Variants in ZMIZ1 observed in about 807,000 individuals in gnomAD.
ZMIZ1 encodes the protein zinc finger MIZ domain-containing protein 1.
ZMIZ1 carries 17 observed loss-of-function variants against 113.9 expected under a neutral mutation model. The ratio of observed to expected loss-of-function variants is 0.15; its 90% CI spans 0.10 to 0.22. ZMIZ1 has a LOEUF of 0.22. ZMIZ1 is among the 10% of genes least tolerant of loss of function. ZMIZ1 has a pLI of 1.00. For synonymous variants in ZMIZ1, 607 were observed against 603.1 expected (o/e 1.01, Z -0.09); for missense variants, 1,059 against 1,477.8 (o/e 0.72, Z 4.65).
intron 3 of ZMIZ1, among the ~76,000 whole-genome samples, chr10:79,159,412 G>A (rs79768591): frequency 0.011 from 1,690 of 152,300 alleles, 30 homozygotes; most frequent in African/African-American, 0.039. Flanking sequence ...GGTGCCCGGC[G>A]CCGTCTGGCC....
chr10:79,288,975 G>A (rs936606817), intron 8 of ZMIZ1, among the ~76,000 whole-genome samples: 17 of 152,208 alleles, frequency 1.1e-4, no homozygotes, highest in African/African-American at 3.9e-4. Flanking sequence ...GCAGTGTTTA[G>A]GGGCAGGGGC....
chr10:79,172,509 A>G (rs899816202), intron 4 of ZMIZ1, among the ~76,000 whole-genome samples: 11 of 152,340 alleles, frequency 7.2e-5, no homozygotes, highest in African/African-American at 2.6e-4. Flanking sequence ...CCTATAAGGT[A>G]GGGACCAGTA....
At position 79,071,940 on chromosome 10, in the gene ZMIZ1, C is replaced by T. The variant is rs578092069; in HGVS notation, c.-337+2670C>T. Among the ~76,000 whole-genome samples, 358 of 115,290 alleles carry T rather than the reference C, an allele frequency of 3.1e-3. 2 individuals carry two copies. The highest frequency in any genetic ancestry group is 4.7e-3 in the Non-Finnish European group (292 of 61,590). The allele number at this position is 115,290 out of a possible 152,430, so 75.6% of individuals were successfully genotyped here. A position where few individuals can be genotyped will look rare whatever the true frequency, so the allele number is the denominator to read the frequency against. On this transcript the variant is annotated intron_variant, in intron 1 of 24. Transcript: ENST00000334512. ...CACATGTAAATCTCAAAAGTTTAGACTTCTGAGAGTTGGTGGCAGTGACTG... is the reference window on the plus strand; with the variant it reads ...CACATGTAAATCTCAAAAGTTTAGATTTCTGAGAGTTGGTGGCAGTGACTG...
chr10:79,185,049 C>T (rs1847295156), intron 4 of ZMIZ1, among the ~76,000 whole-genome samples: 1 of 152,192 alleles, frequency 6.6e-6, no homozygotes, highest in Admixed American at 6.5e-5. Flanking sequence ...AACATTTTTG[C>T]ACCTCTCCTA....
chr10:79,265,624 G>A (rs764067040), intron 7 of ZMIZ1, among the ~76,000 whole-genome samples: 10 of 151,900 alleles, frequency 6.6e-5, no homozygotes, highest in Non-Finnish European at 1.3e-4. Flanking sequence ...TCAGTCTGCC[G>A]GAGACTGAGA....
At chr10:79,277,778 G>C (rs964030756) in intron 8 of ZMIZ1, among the ~76,000 whole-genome samples, 6 of 152,354 alleles carry the variant, frequency 3.9e-5, no homozygotes, top group Admixed American at 3.3e-4. Context: ...TCACAGGCAG[G>C]CATGGGCTTG....
rs1207970201 is a variant in ZMIZ1, at chr10:79,299,194, G to A, written c.1808+3G>A. ...GTCCACCAGACGCTGATGTGGAGGT[G>A]CGTGTCAGGGCAGGGGCGCCAGCCC... On this transcript the variant is annotated splice_donor_region_variant and intron_variant, in intron 16 of 24. Coordinates refer to ENST00000334512, the MANE Select transcript of ZMIZ1 (RefSeq NM_020338.4). The A allele has an allele frequency of 2.5e-6, 4 of 1,601,264 alleles. No individual in the cohort carries two copies. The highest frequency in any genetic ancestry group is 4.5e-5 in the East Asian group (2 of 44,822).
intron 3 of ZMIZ1, among the ~76,000 whole-genome samples, chr10:79,159,779 A>T (rs1846033748): frequency 6.6e-6 from 1 of 152,142 alleles, no homozygotes. Context: ...CTGAGTTCAA[A>T]TTCTAGCACC....
At chr10:79,306,868 C>A (rs115539481) in intron 22 of ZMIZ1, among the ~76,000 whole-genome samples, 1 of 152,292 alleles carries the variant, frequency 6.6e-6, no homozygotes, top group East Asian at 1.9e-4. Flanking sequence ...GCCACCTAGC[C>A]GAACTCCCAC....
chr10:79,086,151 C>A (rs1011231151), intron 1 of ZMIZ1, among the ~76,000 whole-genome samples: 2 of 152,220 alleles, frequency 1.3e-5, no homozygotes, highest in African/African-American at 4.8e-5. Context: ...ATTCTCACTT[C>A]TGTTAAGAAA....
intron 7 of ZMIZ1, among the ~76,000 whole-genome samples, chr10:79,269,750 A>C (rs996126727): frequency 1.3e-5 from 2 of 149,870 alleles, no homozygotes; most frequent in African/African-American, 4.9e-5. Flanking sequence ...CACTGTCCGC[A>C]CCTCCCCTTG....
At chr10:79,261,461 C>T (rs566785618) in intron 7 of ZMIZ1, among the ~76,000 whole-genome samples, 21 of 152,296 alleles carry the variant, frequency 1.4e-4, no homozygotes, top group East Asian at 3.9e-4. Context: ...AAACAAATGA[C>T]GGCTCCCTCC....
chr10:79,152,835 A>G (rs747845101), intron 3 of ZMIZ1, among the ~76,000 whole-genome samples: 5 of 152,256 alleles, frequency 3.3e-5, no homozygotes, highest in African/African-American at 4.8e-5. Flanking sequence ...GATCTAAGCC[A>G]GTTATGCACC....
At chr10:79,139,150 T>C (rs1274750906) in intron 2 of ZMIZ1, among the ~76,000 whole-genome samples, 1 of 152,168 alleles carries the variant, frequency 6.6e-6, no homozygotes, top group Non-Finnish European at 1.5e-5. Context: ...ACACATAAAA[T>C]GGCTCCGAGT....
chr10:79,097,140 A>G (rs890085256), intron 1 of ZMIZ1, among the ~76,000 whole-genome samples: 1 of 152,202 alleles, frequency 6.6e-6, no homozygotes, highest in Admixed American at 6.5e-5. Flanking sequence ...TGCTGTGGGC[A>G]TGGGCTCAGG....
At chr10:79,191,913 G>A (rs1477310656) in intron 4 of ZMIZ1, among the ~76,000 whole-genome samples, 1 of 152,196 alleles carries the variant, frequency 6.6e-6, no homozygotes, top group Admixed American at 6.5e-5. Flanking sequence ...TAACTGATGT[G>A]ACATAGAGAA....
At chr10:79,101,238 C>G (rs1379704697) in intron 1 of ZMIZ1, among the ~76,000 whole-genome samples, 1 of 152,126 alleles carries the variant, frequency 6.6e-6, no homozygotes, top group Admixed American at 6.5e-5. Context: ...GGAAGGGGTT[C>G]TCAGCACAGG....
At chr10:79,279,994 T>TTC (rs1468852564) in intron 8 of ZMIZ1, among the ~76,000 whole-genome samples, 1 of 146,230 alleles carries the variant, frequency 6.8e-6, no homozygotes, top group East Asian at 2.0e-4. Flanking sequence ...TATTATTACT[T>TTC]TTTTTTTTTT....
chr10:79,186,917 C>T (rs1006595002), intron 4 of ZMIZ1, among the ~76,000 whole-genome samples: 1 of 152,232 alleles, frequency 6.6e-6, no homozygotes, highest in Non-Finnish European at 1.5e-5. Context: ...TGCCCAGCCA[C>T]ACTGCCCCTG....
Sources: gnomAD v4.1 joint callset for allele counts (sites outside exome capture counted in the v4.1 genomes callset) on GRCh38, gnomAD v4.1.1 for gene constraint, MANE v1.5 for transcripts, NCBI Gene and HGNC (gene_info 2026-07-23, HGNC 2026-07-21) for gene names.